Variants in SCN4A observed in about 807,000 individuals in gnomAD.
The protein encoded by SCN4A is sodium channel protein type 4 subunit alpha.
In SCN4A, 83 loss-of-function variants were observed where a neutral mutation model predicts 162.0. That is an observed-to-expected ratio of 0.51 (90% CI 0.43 to 0.61). The LOEUF (loss-of-function observed/expected upper bound fraction) is 0.61. Among genes scored for constraint, SCN4A ranks in the 20% least tolerant of loss-of-function variants. The pLI is 0.00. For synonymous variants in SCN4A, 944 were observed against 985.1 expected (o/e 0.96, Z 0.78); for missense variants, 2,196 against 2,462.5 (o/e 0.89, Z 2.29).
At chr17:63,962,937 G>T (rs1909312555) in intron 10 of SCN4A, among the ~76,000 whole-genome samples, 1 of 152,158 alleles carries the variant, frequency 6.6e-6, no homozygotes. Context: ...GCAAAGTCCT[G>T]CAGGGCCCCC....
chr17:63,967,549 TG>T (rs1376802859), intron 6 of SCN4A, among the ~76,000 whole-genome samples: 3 of 152,166 alleles, frequency 2.0e-5, no homozygotes, highest in African/African-American at 7.2e-5. Flanking sequence ...TTCGGAGGGC[TG>T]GGGAGATCAA....
chr17:63,942,924 G>A lies in SCN4A; in HGVS notation c.4190C>T (p.Thr1397Ile). Residue 1397 changes from threonine to isoleucine, a missense_variant, in exon 23 of 24, where the codon ACA becomes ATA. Thr to Ile is a moderately conservative substitution (Grantham distance 89). Transcript: ENST00000435607. ...GAGCATCTTGAGCACGCACTCCCCT[G>A]TGAAGATGATGATGAAGATCATGTT... ...NINMIFIIIF[T>I]GECVLKMLAL... 1.2e-6 allele frequency: 2 copies of A among 1,614,068 alleles called. No individual in the cohort carries two copies. Among genetic ancestry groups the A allele is most frequent in the Non-Finnish European group, 1.7e-6 (2 of 1,179,894 alleles).
At chr17:63,961,752 G>A in intron 10 of SCN4A, 2 of 307,618 alleles carry the variant, frequency 6.5e-6, no homozygotes, top group South Asian at 9.2e-5. Context: ...GAACCCCCGC[G>A]TCCTCAGCGC....
Position 63,948,772 on chromosome 17 carries a change from G to A in SCN4A, c.2990-7C>T, listed in dbSNP as rs1316600712. On this transcript the variant is annotated splice_region_variant and splice_polypyrimidine_tract_variant and intron_variant, in intron 15 of 23. Coordinates refer to ENST00000435607, the MANE Select transcript of SCN4A (RefSeq NM_000334.4). ...GGCCAGCGCTGCACGCAGGCTGATG[G>A]GGTGAGGGGGGACAGGGACAGGCAC... 1 of 1,593,730 alleles carries A rather than the reference G, an allele frequency of 6.3e-7. No homozygotes were observed. The highest frequency in any genetic ancestry group is 8.6e-7 in the Non-Finnish European group (1 of 1,166,678).
At chr17:63,947,679 C>T (rs990175056) in intron 17 of SCN4A, among the ~76,000 whole-genome samples, 4 of 152,210 alleles carry the variant, frequency 2.6e-5, no homozygotes, top group African/African-American at 7.2e-5. Context: ...TGTCTTCCCC[C>T]AAGGCCTCCT....
rs80338784 is a variant in SCN4A, at chr17:63,959,278, C to T, written c.2006G>A (p.Arg669His). The part of the protein sequence containing the change: ...LANVQGLSVL[R>H]SFRLLRVFKL... ...GCTTTTGTGTACCAGACGGAAGGAG[C>T]GTAGCACAGACAGTCCCTGTACGTT... The change falls in exon 12 of 24, where the codon CGC becomes CAC. Residue 669 changes from arginine to histidine, a missense_variant. Coordinates refer to ENST00000435607, the MANE Select transcript of SCN4A (RefSeq NM_000334.4). 1.9e-6 allele frequency: 3 copies of T among 1,613,208 alleles called. No homozygotes were observed.
At chr17:63,955,192 T>C (rs1217612811) in intron 13 of SCN4A, among the ~76,000 whole-genome samples, 1 of 152,160 alleles carries the variant, frequency 6.6e-6, no homozygotes, top group Admixed American at 6.5e-5. Flanking sequence ...AGTTGTGTGG[T>C]TCTGGGCAGT....
intron 8 of SCN4A, among the ~76,000 whole-genome samples, chr17:63,965,472 A>G (rs994681616): frequency 6.6e-6 from 1 of 151,900 alleles, no homozygotes; most frequent in Non-Finnish European, 1.5e-5. Flanking sequence ...CAAATAAAGT[A>G]TGGGCAACAT....
At chr17:63,958,334 G>A (rs1909136910) in intron 12 of SCN4A, among the ~76,000 whole-genome samples, 1 of 152,008 alleles carries the variant, frequency 6.6e-6, no homozygotes, top group African/African-American at 2.4e-5. Flanking sequence ...TCCAGCCTGG[G>A]TGACAGAGAA....
At chr17:63,953,730 A>G (rs1239054905) in intron 13 of SCN4A, among the ~76,000 whole-genome samples, 1 of 152,042 alleles carries the variant, frequency 6.6e-6, no homozygotes, top group Non-Finnish European at 1.5e-5. Context: ...AAAGAAAGTT[A>G]TACAAGGTGT....
chr17:63,949,747 C>G (rs553299130), intron 14 of SCN4A: 6 of 483,380 alleles, frequency 1.2e-5, no homozygotes, highest in African/African-American at 1.2e-4. Context: ...AGGAGTGGGG[C>G]GGGGCTGATG....
chr17:63,971,205 G>A lies in SCN4A; in HGVS notation c.660C>T (p.Thr220=). The change falls in exon 5 of 24, where the codon ACC becomes ACT. Residue 220 remains threonine (T), a synonymous_variant. Coordinates refer to ENST00000435607, the MANE Select transcript of SCN4A (RefSeq NM_000334.4). Reference sequence around the variant, plus strand: ...TTTTGAGGGCCCGCAGCACCCGGAAGGTCCTCAGGGCTGAGATGTTGCCCA... The same window carrying A: ...TTTTGAGGGCCCGCAGCACCCGGAAAGTCCTCAGGGCTGAGATGTTGCCCA... ...VDLGNISALR[T]FRVLRALKTI... is the part of the protein sequence containing the mutation. 1 of 1,567,130 alleles carries A rather than the reference G, an allele frequency of 6.4e-7. No individual in the cohort carries two copies. The highest frequency in any genetic ancestry group is 8.7e-7 in the Non-Finnish European group (1 of 1,155,002).
chr17:63,971,732 TG>T lies in SCN4A; in HGVS notation c.600del (p.Ile201SerfsTer2). 6.2e-7 allele frequency: 1 copy of T among 1,600,378 alleles called. No homozygotes were observed. The highest frequency in any genetic ancestry group is 8.5e-7 in the Non-Finnish European group (1 of 1,173,630). On this transcript the variant is annotated frameshift_variant, in exon 4 of 24. Coordinates refer to ENST00000435607, the MANE Select transcript of SCN4A (RefSeq NM_000334.4). LOFTEE classifies it high-confidence loss of function. ...RDPWNWLDFS[V>X]IMMAYLTEFV... ...GGGGCCCCTGCTCACGCCATCATGATGACACTGAAGTCCAGCCAGTTCCAGG... is the reference window on the plus strand; with the variant it reads ...GGGGCCCCTGCTCACGCCATCATGATACACTGAAGTCCAGCCAGTTCCAGG...
rs758271287 is a variant in SCN4A, at chr17:63,943,749, G to T, written c.4014C>A (p.Pro1338=). 2.5e-6 allele frequency: 4 copies of T among 1,604,138 alleles called. No homozygotes were observed. The highest frequency in any genetic ancestry group is 3.4e-6 in the Non-Finnish European group (4 of 1,171,150). The change falls in exon 22 of 24, where the codon CCC becomes CCA. Residue 1338 remains proline (P), a synonymous_variant. Coordinates refer to ENST00000435607, the MANE Select transcript of SCN4A (RefSeq NM_000334.4). ...CAGGGGGCCCAGAGGTCTGTACCTGGGGCCGGGGAATTGGCTTCTGAGGCT... is the reference window on the plus strand; with the variant it reads ...CAGGGGGCCCAGAGGTCTGTACCTGTGGCCGGGGAATTGGCTTCTGAGGCT... ...SKKPQKPIPR[P]QNKIQGMVYD...
intron 5 of SCN4A, among the ~76,000 whole-genome samples, chr17:63,970,643 T>C (rs938368948): frequency 1.3e-5 from 2 of 152,066 alleles, no homozygotes; most frequent in African/African-American, 4.8e-5. Flanking sequence ...TGTTTTCTTT[T>C]TTTTTTTTGA....
rs114409098 is a variant in SCN4A, at chr17:63,957,567, C to T, written c.2020-49G>A. The stretch of plus-strand genomic sequence containing the variant: ...TGAATGAGGCCCAGGGACCACCACC[C>T]AAGGCAGCCCCAGCCTTAGGAGAAA... On this transcript the variant is annotated intron_variant, in intron 12 of 23. Coordinates refer to ENST00000435607, the MANE Select transcript of SCN4A (RefSeq NM_000334.4). The T allele has an allele frequency of 6.3e-3, 8,198 of 1,311,424 alleles. 425 individuals carry two copies. The African/African-American group carries it at 0.11, about 17-fold the overall frequency. The allele number at this position is 1,311,424 out of a possible 1,614,324, so 81.2% of individuals were successfully genotyped here.
intron 10 of SCN4A, among the ~76,000 whole-genome samples, chr17:63,961,939 C>T (rs1034369622): frequency 3.3e-5 from 5 of 151,310 alleles, no homozygotes; most frequent in African/African-American, 1.2e-4. Flanking sequence ...CTAAACCCCG[C>T]CCACATTCCC....
intron 10 of SCN4A, among the ~76,000 whole-genome samples, chr17:63,963,408 A>C (rs552181145): frequency 6.6e-6 from 1 of 152,328 alleles, no homozygotes; most frequent in Admixed American, 6.5e-5. Context: ...TGCAGCTAGA[A>C]CTGGGCCAGG....
Position 63,963,701 on chromosome 17 carries a change from C to G in SCN4A, c.1577G>C (p.Gly526Ala). 6.3e-7 allele frequency: 1 copy of G among 1,596,652 alleles called. No individual in the cohort carries two copies. The highest frequency in any genetic ancestry group is 1.3e-5 in the African/African-American group (1 of 74,660). Reference protein sequence around the residue: ...EKGAPRQSSSGDSGISDAMEE... With the variant: ...EKGAPRQSSSADSGISDAMEE... ...CATGGCGTCGGAGATGCCGCTGTCT[C>G]CGCTGCTGCTCTGCCTCGGGGCTCC... Residue 526 changes from glycine to alanine, a missense_variant, in exon 10 of 24, where the codon GGA becomes GCA. Physicochemically the swap from Gly to Ala is moderately conservative, Grantham distance 60. Coordinates refer to ENST00000435607, the MANE Select transcript of SCN4A (RefSeq NM_000334.4).
Sources: allele counts gnomAD v4.1 joint callset (sites outside exome capture counted in the v4.1 genomes callset), GRCh38; gene constraint gnomAD v4.1.1; transcripts MANE v1.5; gene names NCBI Gene and HGNC (gene_info 2026-07-23, HGNC 2026-07-21).